ACYP2: variants seen among roughly 807,000 people sequenced by gnomAD.
ACYP2 encodes the protein acylphosphatase-2.
In ACYP2, 12 loss-of-function variants were observed where a neutral mutation model predicts 11.2. That is an observed-to-expected ratio of 1.08 (90% CI 0.69 to 1.74). The LOEUF (loss-of-function observed/expected upper bound fraction) is 1.74. ACYP2 is among the 40% of genes most tolerant of loss of function. ACYP2 has a pLI of 0.00. For synonymous variants in ACYP2, 43 were observed against 32.2 expected (o/e 1.33, Z -1.13); for missense variants, 134 against 101.9 (o/e 1.31, Z -1.35).
chr2:54,110,352 A>G (rs556622911), intron 4 of ACYP2, among the ~76,000 whole-genome samples: 40 of 152,306 alleles, frequency 2.6e-4, no homozygotes, highest in Non-Finnish European at 5.4e-4. Flanking sequence ...TAAAGAATAT[A>G]CCCACGATGC....
chr2:54,208,205 A>C (rs1685161655), intron 6 of ACYP2, among the ~76,000 whole-genome samples: 1 of 152,050 alleles, frequency 6.6e-6, no homozygotes, highest in Non-Finnish European at 1.5e-5. Flanking sequence ...AAAAAAAAAA[A>C]ACTTTTTATT....
intron 6 of ACYP2, among the ~76,000 whole-genome samples, chr2:54,153,000 CT>C (rs1682251966): frequency 1.3e-5 from 2 of 152,060 alleles, no homozygotes; most frequent in African/African-American, 4.8e-5. Context: ...AGACTGATTA[CT>C]TTTTTAAAAA....
At position 54,007,138 on chromosome 2, in the gene ACYP2, CAAAAAAAAAAA is replaced by C. The variant is rs70944145; in HGVS notation, c.62+33344_62+33354del. ...TGGGCAACAGAGAGAGACTCTGTGT[CAAAAAAAAAAA>C]AAAAAAAAAAAAAAAGAAAGAAAGA... On this transcript the variant is annotated intron_variant, in intron 2 of 6. Coordinates refer to ENST00000607452, the MANE Select transcript of ACYP2 (RefSeq NM_001320586.2). Among the ~76,000 whole-genome samples the C allele has an allele frequency of 1.9e-4, 10 of 52,200 alleles. No homozygotes were observed. In the East Asian group the frequency reaches 3.8e-3, roughly 20 times the overall value. 34.2% of individuals were successfully genotyped at this position (52,200 alleles called of 152,430 possible).
chr2:54,256,305 C>A (rs1429577311), intron 6 of ACYP2: 3 of 772,898 alleles, frequency 3.9e-6, no homozygotes, highest in South Asian at 3.6e-5. Context: ...GCGACACTCA[C>A]TCCTCAGTCT....
chr2:54,070,116 C>G (rs766688722), intron 4 of ACYP2, among the ~76,000 whole-genome samples: 9 of 151,666 alleles, frequency 5.9e-5, no homozygotes, highest in Non-Finnish European at 1.0e-4. Context: ...ACTAAAAATA[C>G]AAAATTAGTT....
At chr2:54,206,310 A>G (rs1049588155) in intron 6 of ACYP2, among the ~76,000 whole-genome samples, 1 of 152,238 alleles carries the variant, frequency 6.6e-6, no homozygotes, top group African/African-American at 2.4e-5. Flanking sequence ...CATTAGAGGC[A>G]GATACCATGA....
At chr2:54,005,588 C>G (rs1337394497) in intron 2 of ACYP2, among the ~76,000 whole-genome samples, 2 of 152,204 alleles carry the variant, frequency 1.3e-5, no homozygotes, top group Non-Finnish European at 2.9e-5. Flanking sequence ...ATCCACCTGC[C>G]TCAGCCTCCC....
At chr2:54,267,383 T>C (rs1041371327) in intron 6 of ACYP2, 5 of 1,538,510 alleles carry the variant, frequency 3.2e-6, no homozygotes, top group Non-Finnish European at 4.4e-6. Flanking sequence ...GTTTCTACTT[T>C]CAAATGAGAA....
intron 2 of ACYP2, among the ~76,000 whole-genome samples, chr2:54,024,178 A>T (rs1674156150): frequency 6.6e-6 from 1 of 152,184 alleles, no homozygotes; most frequent in South Asian, 2.1e-4. Context: ...GTCCTAGCTA[A>T]CATGGCAAAA....
At chr2:54,019,553 A>T (rs1673884728) in intron 2 of ACYP2, among the ~76,000 whole-genome samples, 1 of 151,290 alleles carries the variant, frequency 6.6e-6, no homozygotes. Context: ...CACCTACCTC[A>T]GCCTCCCCAA....
intron 6 of ACYP2, among the ~76,000 whole-genome samples, chr2:54,205,850 T>C (rs889617596): frequency 1.3e-5 from 2 of 152,200 alleles, no homozygotes; most frequent in African/African-American, 4.8e-5. Flanking sequence ...TTTTGCACTT[T>C]TAATGTGATA....
intron 2 of ACYP2, among the ~76,000 whole-genome samples, chr2:54,044,534 C>G (rs1161352433): frequency 6.6e-6 from 1 of 151,796 alleles, no homozygotes; most frequent in Admixed American, 6.6e-5. Flanking sequence ...TTGCAGTGAG[C>G]TGAGATTACA....
intron 4 of ACYP2, among the ~76,000 whole-genome samples, chr2:54,112,147 T>G (rs773654258): frequency 9.9e-5 from 15 of 152,210 alleles, no homozygotes; most frequent in Non-Finnish European, 2.1e-4. Flanking sequence ...ACAGTCATAT[T>G]ATATAAGCAG....
chr2:53,972,342 C>G (rs1041519651), intron 1 of ACYP2, among the ~76,000 whole-genome samples: 3 of 150,074 alleles, frequency 2.0e-5, no homozygotes, highest in Non-Finnish European at 4.4e-5. Context: ...CGTGGTGGCT[C>G]ACGCCTGTAA....
chr2:54,087,845 GAC>G (rs1678019932), intron 4 of ACYP2, among the ~76,000 whole-genome samples: 1 of 152,192 alleles, frequency 6.6e-6, no homozygotes, highest in South Asian at 2.1e-4. Context: ...AGATGCTAGA[GAC>G]AGATTCCCGA....
At chr2:54,054,501 C>T (rs1315100948) in intron 3 of ACYP2, among the ~76,000 whole-genome samples, 1 of 152,176 alleles carries the variant, frequency 6.6e-6, no homozygotes, top group Non-Finnish European at 1.5e-5. Context: ...TTCTCCTCTT[C>T]TGCAAACAAT....
intron 6 of ACYP2, among the ~76,000 whole-genome samples, chr2:54,260,912 T>C (rs1022102028): frequency 3.9e-5 from 6 of 151,906 alleles, no homozygotes; most frequent in African/African-American, 7.3e-5. Flanking sequence ...GGGAATGACA[T>C]GACAGTAGCA....
chr2:53,995,858 C>T (rs1034517833), intron 2 of ACYP2, among the ~76,000 whole-genome samples: 5 of 152,232 alleles, frequency 3.3e-5, no homozygotes, highest in Non-Finnish European at 7.3e-5. Flanking sequence ...ATGGGCTGGG[C>T]ACGGTCGTTC....
chr2:54,014,245 C>T (rs1048610143), intron 2 of ACYP2, among the ~76,000 whole-genome samples: 1 of 151,776 alleles, frequency 6.6e-6, no homozygotes, highest in East Asian at 1.9e-4. Context: ...CTGTGGTTTT[C>T]CTTCCTCTTC....
Sources: gnomAD v4.1 joint callset for allele counts (sites outside exome capture counted in the v4.1 genomes callset) on GRCh38, gnomAD v4.1.1 for gene constraint, MANE v1.5 for transcripts, NCBI Gene and HGNC (gene_info 2026-07-23, HGNC 2026-07-21) for gene names.